The following RBSN variants were observed in gnomAD, a reference collection of about 807,000 sequenced individuals.
The protein encoded by RBSN is rabenosyn-5.
A neutral mutation model predicts 60.5 loss-of-function variants in RBSN; 34 were observed. The observed-to-expected ratio is 0.56, with a 90% confidence interval of 0.43 to 0.75. The LOEUF (loss-of-function observed/expected upper bound fraction) is 0.75. RBSN is among the 30% of genes least tolerant of loss of function. RBSN has a pLI of 0.00. For synonymous variants in RBSN, 322 were observed against 366.9 expected (o/e 0.88, Z 1.40); for missense variants, 845 against 986.8 (o/e 0.86, Z 1.92).
At chr3:15,097,761 A>C (rs2043700467) in intron 2 of RBSN, among the ~76,000 whole-genome samples, 1 of 152,130 alleles carries the variant, frequency 6.6e-6, no homozygotes, top group Non-Finnish European at 1.5e-5. Flanking sequence ...TGTGACCCTC[A>C]GCTTTGGATG....
rs1227030189 is a variant in RBSN, at chr3:15,085,048, G to A, written c.391-3C>T. ...TTTGTTCTGTCAAATGCAGTGAGCT[G>A]ACCGGAAGAAAATAGTGCCAAATGA... On this transcript the variant is annotated splice_region_variant and splice_polypyrimidine_tract_variant and intron_variant, in intron 6 of 13. Coordinates refer to ENST00000253699, the MANE Select transcript of RBSN (RefSeq NM_022340.4). 1 of 1,614,188 alleles carries A rather than the reference G, an allele frequency of 6.2e-7. No homozygotes were observed. Among genetic ancestry groups the A allele is most frequent in the South Asian group, 1.1e-5 (1 of 91,044 alleles).
In RBSN at chr3:15,071,734, C is replaced by T. The variant is rs1264768995; in HGVS notation, c.*2048G>A. On this transcript the variant is annotated 3_prime_UTR_variant, in exon 14 of 14. Transcript: ENST00000253699. The stretch of plus-strand genomic sequence containing the variant: ...TTTTCATCAAGAGAGTTAAAACATT[C>T]CCATTATCAAGAGGGGTCTTCACCA... The T allele has an allele frequency of 1.3e-5, 2 of 152,494 alleles. No individual in the cohort carries two copies. Among genetic ancestry groups the T allele is most frequent in the African/African-American group, 4.8e-5 (2 of 41,458 alleles). 9.4% of individuals were successfully genotyped at this position (152,494 alleles called of 1,614,324 possible).
chr3:15,088,310 T>C (rs1402256454), intron 5 of RBSN, among the ~76,000 whole-genome samples: 1 of 152,154 alleles, frequency 6.6e-6, no homozygotes, highest in Non-Finnish European at 1.5e-5. Context: ...AATTCATGTG[T>C]CCAAAATTTC....
intron 4 of RBSN, among the ~76,000 whole-genome samples, chr3:15,090,954 T>C (rs1347224352): frequency 2.6e-5 from 4 of 151,834 alleles, no homozygotes; most frequent in Non-Finnish European, 4.4e-5. Context: ...CCAGGCGCAG[T>C]GGCTCACACC....
At chr3:15,086,056 C>A in intron 5 of RBSN, 95 bp from the exon 6 acceptor site, 13 of 721,790 alleles carry the variant, frequency 1.8e-5, no homozygotes, top group Admixed American at 2.6e-5. Flanking sequence ...ATTTCAAAAG[C>A]AGGTTGGTCA....
At chr3:15,078,212 C>T in intron 10 of RBSN, 51 bp from the exon 11 acceptor site, 1 of 1,528,454 alleles carries the variant, frequency 6.5e-7, no homozygotes, top group Non-Finnish European at 9.1e-7. Context: ...GCAGATTGGA[C>T]AGCATAGTGT....
Position 15,076,184 on chromosome 3 carries a change from A to G in RBSN, c.1102-474T>C, listed in dbSNP as rs973012218. On this transcript the variant is annotated intron_variant, in intron 12 of 13. Coordinates refer to ENST00000253699, the MANE Select transcript of RBSN (RefSeq NM_022340.4). ...TAGGACATCCAGCACCTAAAACACT[A>G]CCTGGTACATAGGAGGCACTCAACA... Among the ~76,000 whole-genome samples the G allele has an allele frequency of 5.3e-5, 8 of 152,160 alleles. No homozygotes were observed. In the South Asian group the frequency reaches 6.2e-4, roughly 12 times the overall value.
At chr3:15,080,367 G>T (rs56333755) in intron 10 of RBSN, among the ~76,000 whole-genome samples, 2,071 of 152,152 alleles carry the variant, frequency 0.014, 47 homozygotes, top group African/African-American at 0.047. Context: ...CACTCAAGTG[G>T]CATCTACCCA....
chr3:15,088,534 C>T (rs778997267), intron 5 of RBSN, among the ~76,000 whole-genome samples: 2 of 152,092 alleles, frequency 1.3e-5, no homozygotes, highest in Non-Finnish European at 2.9e-5. Flanking sequence ...CATGTGCCAC[C>T]ACACCTGGCT....
At position 15,080,796 on chromosome 3, in the gene RBSN, G is replaced by T. The variant is rs144508017; in HGVS notation, c.847C>A (p.Arg283=). The T allele has an allele frequency of 6.2e-7, 1 of 1,613,848 alleles. No individual in the cohort carries two copies. Residue 283 remains arginine (R), a synonymous_variant, in exon 10 of 14, where the codon CGA becomes AGA. Transcript: ENST00000253699. ...TGGTCAACTTTCTCCATGCAAAGTCGTAATTTCTAAGAACAAAAACAAAGA... is the reference window on the plus strand; with the variant it reads ...TGGTCAACTTTCTCCATGCAAAGTCTTAATTTCTAAGAACAAAAACAAAGA... ...PDIVKLYEKL[R]LCMEKVDQKA...
intron 10 of RBSN, among the ~76,000 whole-genome samples, chr3:15,079,825 A>G (rs28639884): frequency 0.082 from 12,480 of 152,238 alleles, 704 homozygotes; most frequent in African/African-American, 0.15. Context: ...CTGGGGTGAT[A>G]AAAATGTTTA....
At position 15,085,838 on chromosome 3, in the gene RBSN, T is replaced by A. The variant is rs1408379328; in HGVS notation, c.390+23A>T. 2.5e-6 allele frequency: 4 copies of A among 1,579,672 alleles called. No homozygotes were observed. In the East Asian group the frequency reaches 9.0e-5, roughly 35 times the overall value. On this transcript the variant is annotated intron_variant, in intron 6 of 13. Coordinates refer to ENST00000253699, the MANE Select transcript of RBSN (RefSeq NM_022340.4). ...GAAAATGTGTATTTGTAGAAAAAAA[T>A]GTTTTAAGACAACAAAATTTACCTT...
At chr3:15,093,304 C>A (rs2043565415) in intron 4 of RBSN, among the ~76,000 whole-genome samples, 1 of 152,134 alleles carries the variant, frequency 6.6e-6, no homozygotes, top group Non-Finnish European at 1.5e-5. Context: ...CAGAAAACTG[C>A]AACATAATCA....
At chr3:15,091,167 G>A (rs143551308) in intron 4 of RBSN, among the ~76,000 whole-genome samples, 218 of 120,476 alleles carry the variant, frequency 1.8e-3, no homozygotes, top group African/African-American at 6.9e-3. Flanking sequence ...CTGAGATTGT[G>A]CCACTGTACT....
intron 5 of RBSN, among the ~76,000 whole-genome samples, chr3:15,089,466 A>C (rs1217302237): frequency 3.6e-4 from 41 of 112,458 alleles, no homozygotes; most frequent in Non-Finnish European, 5.3e-4. Flanking sequence ...CAAAAAAAAA[A>C]AAAAAAAAAA....
At position 15,077,215 on chromosome 3, in the gene RBSN, C is replaced by A; in HGVS notation, c.999-51G>T. ...TAATGAGCACTGCCAGCTTCAGAAA[C>A]AAGGGTGAAAAGTATAACATCTGGA... On this transcript the variant is annotated intron_variant, in intron 11 of 13. Coordinates refer to ENST00000253699, the MANE Select transcript of RBSN (RefSeq NM_022340.4). The surrounding 1 kb of genome is among the most constrained non-coding windows in gnomAD (Gnocchi z 4.4). 1 of 1,504,290 alleles carries A rather than the reference C, an allele frequency of 6.6e-7. No homozygotes were observed. The allele number at this position is 1,504,290 out of a possible 1,614,324, so 93.2% of individuals were successfully genotyped here.
At position 15,078,100 on chromosome 3, in the gene RBSN, C is replaced by T; in HGVS notation, c.973G>A (p.Val325Met). ...CTTAAAGCGTCTATCAGCTCATACA[C>T]TTTCTGCACTTCCACTCGAAGGTCA... ...ASDLRVEVQKVYELIDALSKK... is the reference protein window; with the variant it reads ...ASDLRVEVQKMYELIDALSKK... The change falls in exon 11 of 14, where the codon GTG (valine) becomes ATG (methionine). Residue 325 changes from valine (V) to methionine (M), a missense_variant. Transcript: ENST00000253699. 1 of 1,614,168 alleles carries T rather than the reference C, an allele frequency of 6.2e-7. No homozygotes were observed. Among genetic ancestry groups the T allele is most frequent in the Non-Finnish European group, 8.5e-7 (1 of 1,179,990 alleles).
At chr3:15,097,372 G>T (rs781104087) in intron 2 of RBSN, among the ~76,000 whole-genome samples, 3 of 152,052 alleles carry the variant, frequency 2.0e-5, no homozygotes, top group Non-Finnish European at 2.9e-5. Flanking sequence ...AAAATTTGCC[G>T]GGTGTGGTGG....
At chr3:15,089,232 G>GAGATGGGAGGATCACTTGAGCCC (rs2043429502) in intron 5 of RBSN, among the ~76,000 whole-genome samples, 1 of 152,070 alleles carries the variant, frequency 6.6e-6, no homozygotes, top group Non-Finnish European at 1.5e-5. Context: ...CTGGGAGGCT[G>GAGATGGGAGGATCACTTGAGCCC]AGATGGGAGG....
Sources: allele counts gnomAD v4.1 joint callset (sites outside exome capture counted in the v4.1 genomes callset), GRCh38; gene constraint gnomAD v4.1.1; non-coding constraint Gnocchi (gnomAD v3.1); transcripts MANE v1.5; gene names NCBI Gene and HGNC (gene_info 2026-07-23, HGNC 2026-07-21).